CREB5: variants seen among roughly 807,000 people sequenced by gnomAD.
The protein encoded by CREB5 is cAMP responsive element binding protein 5, also known as cyclic AMP-responsive element-binding protein 5.
CREB5 carries 19 observed loss-of-function variants against 57.1 expected under a neutral mutation model. The ratio of observed to expected loss-of-function variants is 0.33; its 90% CI spans 0.23 to 0.49. The LOEUF is 0.49. CREB5 is among the 20% of genes least tolerant of loss of function. The pLI is 0.99. For synonymous variants in CREB5, 238 were observed against 238.3 expected (o/e 1.00, Z 0.01); for missense variants, 579 against 671.6 (o/e 0.86, Z 1.52).
chr7:28,330,016 G>C (rs1785683945), intron 1 of CREB5, among the ~76,000 whole-genome samples: 1 of 152,216 alleles, frequency 6.6e-6, no homozygotes, highest in Non-Finnish European at 1.5e-5. Context: ...CAGCTAAGCA[G>C]CTCCATGGGA....
At chr7:28,315,870 C>T (rs7792124) in intron 1 of CREB5, among the ~76,000 whole-genome samples, 52,466 of 152,052 alleles carry the variant, frequency 0.35, 9,931 homozygotes, top group African/African-American at 0.47. Context: ...GACTGGCTCA[C>T]TGGCTGGCTG....
chr7:28,411,421 A>C (rs1787794999), upstream of CREB5, among the ~76,000 whole-genome samples: 2 of 152,120 alleles, frequency 1.3e-5, no homozygotes, highest in African/African-American at 4.8e-5. Flanking sequence ...CTTAACCTTA[A>C]GTTTCTATGT....
chr7:28,693,839 TA>T (rs1801401536), intron 5 of CREB5, among the ~76,000 whole-genome samples: 1 of 152,254 alleles, frequency 6.6e-6, no homozygotes, highest in Admixed American at 6.5e-5. Context: ...GAAGTCTGGA[TA>T]ATAATATATT....
At chr7:28,554,416 T>C (rs73301148) in intron 4 of CREB5, among the ~76,000 whole-genome samples, 6,900 of 152,292 alleles carry the variant, frequency 0.045, 531 homozygotes, top group African/African-American at 0.16. Flanking sequence ...GTCTCCCAGC[T>C]TGCATCCAAG....
chr7:28,496,886 A>G (rs902607167), intron 3 of CREB5, among the ~76,000 whole-genome samples: 2 of 152,124 alleles, frequency 1.3e-5, no homozygotes, highest in Non-Finnish European at 2.9e-5. Context: ...CAAATTCATA[A>G]GAATTATAAC....
chr7:28,668,874 G>A (rs1348020201), intron 5 of CREB5, among the ~76,000 whole-genome samples: 1 of 152,168 alleles, frequency 6.6e-6, no homozygotes, highest in African/African-American at 2.4e-5. Context: ...ACGGCCCGCT[G>A]CTACCCTCCT....
chr7:28,526,000 A>G (rs915591435), intron 4 of CREB5, among the ~76,000 whole-genome samples: 2 of 152,218 alleles, frequency 1.3e-5, no homozygotes, highest in Non-Finnish European at 2.9e-5. Context: ...CAAGAATCAG[A>G]GACTGCTGAG....
chr7:28,686,845 A>G (rs934927795), intron 5 of CREB5, among the ~76,000 whole-genome samples: 1 of 152,144 alleles, frequency 6.6e-6, no homozygotes, highest in Non-Finnish European at 1.5e-5. Flanking sequence ...AAACTATATT[A>G]TGGTATTTTA....
At chr7:28,460,297 T>TA (rs1583489557) in intron 1 of CREB5, among the ~76,000 whole-genome samples, 3 of 152,206 alleles carry the variant, frequency 2.0e-5, no homozygotes, top group Non-Finnish European at 4.4e-5. Flanking sequence ...GATACTTACC[T>TA]ATAAATATAG....
chr7:28,813,007 C>T (rs1173821763), intron 9 of CREB5, among the ~76,000 whole-genome samples: 1 of 152,208 alleles, frequency 6.6e-6, no homozygotes, highest in African/African-American at 2.4e-5. Flanking sequence ...AACTCCCAGA[C>T]TTCATTTCCT....
intron 1 of CREB5, among the ~76,000 whole-genome samples, chr7:28,450,963 T>C (rs1490146357): frequency 6.6e-6 from 1 of 152,098 alleles, no homozygotes; most frequent in African/African-American, 2.4e-5. Context: ...GAACTCTAGG[T>C]CTATAGAGGG....
chr7:28,760,227 C>T (rs985963112), intron 7 of CREB5, among the ~76,000 whole-genome samples: 1 of 152,144 alleles, frequency 6.6e-6, no homozygotes, highest in Admixed American at 6.5e-5. Flanking sequence ...ACATTACCTA[C>T]AGGAGAGTTG....
intron 1 of CREB5, among the ~76,000 whole-genome samples, chr7:28,451,450 CTG>C (rs6150047): frequency 0.055 from 8,035 of 146,816 alleles, 500 homozygotes; most frequent in African/African-American, 0.15. Flanking sequence ...CTTTGCCAAA[CTG>C]TGTGTGTGTG....
intron 7 of CREB5, among the ~76,000 whole-genome samples, chr7:28,746,156 G>A (rs1244141394): frequency 1.3e-5 from 2 of 152,132 alleles, no homozygotes; most frequent in Non-Finnish European, 2.9e-5. Context: ...AGCTACTTTT[G>A]CAATGAGCCC....
intron 1 of CREB5, among the ~76,000 whole-genome samples, chr7:28,420,571 C>T (rs1788204449): frequency 6.6e-6 from 1 of 152,024 alleles, no homozygotes; most frequent in Non-Finnish European, 1.5e-5. Context: ...CTTTGGGAGG[C>T]CAAGGCAGGA....
chr7:28,338,667 G>A (rs951037497), intron 1 of CREB5, among the ~76,000 whole-genome samples: 2 of 151,960 alleles, frequency 1.3e-5, no homozygotes. Flanking sequence ...TCTCTCCCTA[G>A]GTTTAGGAAG....
intron 2 of CREB5, among the ~76,000 whole-genome samples, chr7:28,488,684 T>TA (rs563744236): frequency 8.2e-4 from 125 of 152,256 alleles, no homozygotes; most frequent in African/African-American, 2.5e-3. Context: ...CCAATTTGAG[T>TA]AAAAAAACCC....
At chr7:28,796,406 T>C (rs895947247) in intron 7 of CREB5, among the ~76,000 whole-genome samples, 2 of 152,206 alleles carry the variant, frequency 1.3e-5, no homozygotes, top group African/African-American at 4.8e-5. Flanking sequence ...TTGTGCTTTA[T>C]TTTTCATCAA....
intron 1 of CREB5, among the ~76,000 whole-genome samples, chr7:28,478,485 A>C (rs1791173902): frequency 6.6e-6 from 1 of 152,124 alleles, no homozygotes; most frequent in Non-Finnish European, 1.5e-5. Context: ...AAGAGGCAAA[A>C]GTTTCCCTAA....
Sources: allele counts gnomAD v4.1 joint callset (sites outside exome capture counted in the v4.1 genomes callset), GRCh38; gene constraint gnomAD v4.1.1; transcripts MANE v1.5; gene names NCBI Gene and HGNC (gene_info 2026-07-23, HGNC 2026-07-21).